The following UHRF2 variants were observed in gnomAD, a reference collection of about 807,000 sequenced individuals.
UHRF2 encodes E3 ubiquitin-protein ligase UHRF2.
UHRF2 carries 23 observed loss-of-function variants against 96.8 expected under a neutral mutation model. The observed-to-expected ratio is 0.24, with a 90% CI of 0.17 to 0.34. The LOEUF (loss-of-function observed/expected upper bound fraction) is 0.34, where lower values mean the gene tolerates loss of function less well. Among genes scored for constraint, UHRF2 ranks in the 10% least tolerant of loss-of-function variants. The pLI, the probability that UHRF2 is intolerant of heterozygous loss-of-function variation, is 1.00. For synonymous variants in UHRF2, 385 were observed against 332.6 expected (o/e 1.16, Z -1.72); for missense variants, 685 against 981.5 (o/e 0.70, Z 4.04).
intron 4 of UHRF2, among the ~76,000 whole-genome samples, chr9:6,465,979 T>A (rs572031510): frequency 3.3e-5 from 5 of 152,376 alleles, no homozygotes; most frequent in African/African-American, 9.6e-5. Flanking sequence ...AAACATTTTT[T>A]AAAATAATTT....
At chr9:6,487,166 CTTTTATTTTTTTTTCCTTTTTTTTT>C (rs977353219) in intron 9 of UHRF2, among the ~76,000 whole-genome samples, 3 of 108,946 alleles carry the variant, frequency 2.8e-5, no homozygotes, top group Non-Finnish European at 1.9e-5. Context: ...CTCTATAGAG[CTTTTATTTTTTTTTCCTTTTTTTTT>C]TTTTTTTTTT....
intron 14 of UHRF2, among the ~76,000 whole-genome samples, chr9:6,501,857 A>G (rs1816310761): frequency 6.6e-6 from 1 of 152,226 alleles, no homozygotes; most frequent in Admixed American, 6.5e-5. Context: ...AGGGCTTGTT[A>G]GTGATAACTG....
chr9:6,415,116 A>G (rs1388217069), intron 1 of UHRF2: 1 of 152,250 alleles, frequency 6.6e-6, no homozygotes, highest in Non-Finnish European at 1.5e-5. Context: ...TTTCAGCACC[A>G]GAGATAGAAA....
chr9:6,426,231 G>C (rs1017678957), intron 2 of UHRF2, among the ~76,000 whole-genome samples: 1 of 152,206 alleles, frequency 6.6e-6, no homozygotes, highest in Non-Finnish European at 1.5e-5. Context: ...TGCTTTGGCT[G>C]TGAACTACAG....
At chr9:6,478,529 T>C (rs188145479) in intron 6 of UHRF2, among the ~76,000 whole-genome samples, 243 of 152,362 alleles carry the variant, frequency 1.6e-3, no homozygotes, top group African/African-American at 5.3e-3. Flanking sequence ...ATTTTTCTCC[T>C]ATGGCGTGGT....
chr9:6,430,233 C>T (rs1218314537), intron 2 of UHRF2, among the ~76,000 whole-genome samples: 1 of 152,206 alleles, frequency 6.6e-6, no homozygotes, highest in Non-Finnish European at 1.5e-5. Context: ...TGGTCTTGAA[C>T]TCCTGACCTC....
chr9:6,475,723 CTAT>C (rs1823529044), intron 5 of UHRF2, among the ~76,000 whole-genome samples: 1 of 151,844 alleles, frequency 6.6e-6, no homozygotes, highest in South Asian at 2.1e-4. Flanking sequence ...TATTTTATTG[CTAT>C]TATTTTATTT....
At chr9:6,419,620 C>A (rs1188319179) in intron 1 of UHRF2, among the ~76,000 whole-genome samples, 1 of 152,164 alleles carries the variant, frequency 6.6e-6, no homozygotes, top group Admixed American at 6.5e-5. Context: ...TGAAAATTCA[C>A]ATTTCTTGAA....
At chr9:6,504,101 C>G (rs1816454836) in intron 14 of UHRF2, among the ~76,000 whole-genome samples, 1 of 145,218 alleles carries the variant, frequency 6.9e-6, no homozygotes, top group Non-Finnish European at 1.5e-5. Context: ...TCTCAGCTCA[C>G]TGCAAGCTCC....
In UHRF2 at chr9:6,504,015, C is replaced by CTTTTTT. The variant is rs35325264; in HGVS notation, c.2164-555_2164-550dup. 1.1e-4 allele frequency among the ~76,000 whole-genome samples: 9 copies of CTTTTTT among 78,956 alleles called. 2 individuals carry two copies. The highest frequency in any genetic ancestry group is 4.8e-4 in the African/African-American group (8 of 16,752). The allele number at this position is 78,956 out of a possible 152,430, so 51.8% of individuals were successfully genotyped here. ...GTACTTGATTTTTTTAAATAGAAGA[C>CTTTTTT]TTTTTTTTTTTTTTTTTTTTTTTTT... On this transcript the variant is annotated intron_variant, in intron 14 of 15. Transcript: ENST00000276893.
At chr9:6,419,173 G>A (rs1036988264) in intron 1 of UHRF2, among the ~76,000 whole-genome samples, 1 of 152,094 alleles carries the variant, frequency 6.6e-6, no homozygotes, top group Non-Finnish European at 1.5e-5. Context: ...AAAAATTTTG[G>A]CAGGGACGCA....
rs578202755 is a variant in UHRF2 at position 6,425,287 on chromosome 9, GTTTA to G, written c.384+4149_384+4152del. On this transcript the variant is annotated intron_variant, in intron 2 of 15. Transcript: ENST00000276893. ...TTCCACTTTTGGCCTTTAGAAACTCGTTTATTTGATGGCTATGTCCCTTTGACAT... is the reference window on the plus strand; with the variant it reads ...TTCCACTTTTGGCCTTTAGAAACTCGTTTGATGGCTATGTCCCTTTGACAT... 2.6e-5 allele frequency among the ~76,000 whole-genome samples: 4 copies of G among 152,252 alleles called. No homozygotes were observed. In the South Asian group the frequency reaches 6.2e-4, roughly 24 times the overall value.
At chr9:6,475,779 A>G (rs1170546940) in intron 5 of UHRF2, among the ~76,000 whole-genome samples, 1 of 152,066 alleles carries the variant, frequency 6.6e-6, no homozygotes, top group Non-Finnish European at 1.5e-5. Flanking sequence ...ATATTTAAGG[A>G]GTATATGTGA....
At chr9:6,451,569 C>A (rs1423214408) in intron 3 of UHRF2, among the ~76,000 whole-genome samples, 8 of 151,874 alleles carry the variant, frequency 5.3e-5, no homozygotes, top group African/African-American at 1.7e-4. Context: ...CTCCGCCCCC[C>A]GGGGTTCACA....
At chr9:6,446,958 G>A (rs1033538816) in intron 3 of UHRF2, among the ~76,000 whole-genome samples, 3 of 151,910 alleles carry the variant, frequency 2.0e-5, no homozygotes, top group Non-Finnish European at 2.9e-5. Flanking sequence ...GCACAATCTC[G>A]GCTCACTGCA....
intron 3 of UHRF2, among the ~76,000 whole-genome samples, chr9:6,440,297 C>T (rs990283469): frequency 6.6e-6 from 1 of 152,154 alleles, no homozygotes; most frequent in Non-Finnish European, 1.5e-5. Context: ...CTGAGCATAA[C>T]TTCTTACACA....
chr9:6,480,860 A>T (rs533547257), intron 6 of UHRF2, among the ~76,000 whole-genome samples: 8 of 152,174 alleles, frequency 5.3e-5, no homozygotes, highest in Non-Finnish European at 1.0e-4. Flanking sequence ...GTATCTCATA[A>T]TTGGATTGAC....
intron 5 of UHRF2, among the ~76,000 whole-genome samples, chr9:6,477,123 T>C (rs1029203594): frequency 6.6e-6 from 1 of 151,730 alleles, no homozygotes; most frequent in Non-Finnish European, 1.5e-5. Context: ...ATCCCAGCTA[T>C]TCCGGAGGCT....
chr9:6,506,234 A>T lies in UHRF2; in HGVS notation c.*55A>T. ...TGGCTTTTTGGACAATAAAGAATCT[A>T]AAATGGGTGGGGAGGGTGGAAGAAA... On this transcript the variant is annotated 3_prime_UTR_variant, in exon 16 of 16. Coordinates refer to ENST00000276893, the MANE Select transcript of UHRF2 (RefSeq NM_152896.3). 6.3e-7 allele frequency: 1 copy of T among 1,599,202 alleles called. No homozygotes were observed. Among genetic ancestry groups the T allele is most frequent in the East Asian group, 2.2e-5 (1 of 44,644 alleles).
Sources: allele counts gnomAD v4.1 joint callset (sites outside exome capture counted in the v4.1 genomes callset), GRCh38; gene constraint gnomAD v4.1.1; transcripts MANE v1.5; gene names NCBI Gene and HGNC (gene_info 2026-07-23, HGNC 2026-07-21).